PTPRD: variants seen among roughly 807,000 people sequenced by gnomAD.
PTPRD encodes the protein protein tyrosine phosphatase receptor type D.
In PTPRD, 34 loss-of-function variants were observed where a neutral mutation model predicts 214.5. The ratio of observed to expected loss-of-function variants is 0.16; its 90% CI spans 0.12 to 0.21. The LOEUF is 0.21. PTPRD is among the 10% of genes least tolerant of loss of function. The probability of loss-of-function intolerance (pLI) is 1.00; values close to 1 mark genes in which losing one functional copy is unlikely to be tolerated. For synonymous variants in PTPRD, 1,128 were observed against 845.7 expected (o/e 1.33, Z -5.79); for missense variants, 2,545 against 2,398.7 (o/e 1.06, Z -1.27).
At chr9:10,085,499 G>T (rs2098321149) in intron 3 of PTPRD, among the ~76,000 whole-genome samples, 1 of 151,784 alleles carries the variant, frequency 6.6e-6, no homozygotes, top group African/African-American at 2.4e-5. Context: ...TCATCTTTTT[G>T]TGTTGAGAAA....
chr9:8,730,275 A>C (rs1327666757), intron 12 of PTPRD, among the ~76,000 whole-genome samples: 1 of 152,156 alleles, frequency 6.6e-6, no homozygotes, highest in Non-Finnish European at 1.5e-5. Flanking sequence ...AAAAAAAAGA[A>C]AGAAATATTG....
chr9:9,533,752 T>A (rs919905995), intron 8 of PTPRD, among the ~76,000 whole-genome samples: 9 of 152,058 alleles, frequency 5.9e-5, no homozygotes, highest in African/African-American at 2.2e-4. Flanking sequence ...ATGAAGACCA[T>A]TGAGCAAAGG....
chr9:8,778,508 G>A (rs2095570432), intron 11 of PTPRD, among the ~76,000 whole-genome samples: 1 of 152,174 alleles, frequency 6.6e-6, no homozygotes, highest in Non-Finnish European at 1.5e-5. Flanking sequence ...CACTGAAACT[G>A]ACTTCATGCT....
At chr9:10,039,677 GA>G (rs149431178) in intron 3 of PTPRD, among the ~76,000 whole-genome samples, 2,603 of 147,958 alleles carry the variant, frequency 0.018, 68 homozygotes, top group African/African-American at 0.06. Flanking sequence ...TTTTCTGGGG[GA>G]AAAAAAAACA....
intron 4 of PTPRD, among the ~76,000 whole-genome samples, chr9:9,967,930 A>C (rs1160456461): frequency 6.6e-6 from 1 of 152,132 alleles, no homozygotes; most frequent in Non-Finnish European, 1.5e-5. Context: ...TGATACATAA[A>C]CATATTAAGA....
chr9:10,132,962 T>TCAAAGGC (rs753864227), intron 3 of PTPRD, among the ~76,000 whole-genome samples: 7 of 151,632 alleles, frequency 4.6e-5, no homozygotes, highest in Admixed American at 2.0e-4. Flanking sequence ...AGATTGTTAT[T>TCAAAGGC]TTGTAGCTTC....
At chr9:9,651,558 G>A (rs142831796) in intron 7 of PTPRD, among the ~76,000 whole-genome samples, 2 of 152,148 alleles carry the variant, frequency 1.3e-5, no homozygotes, top group African/African-American at 4.8e-5. Flanking sequence ...TCCATGTCCT[G>A]CAAAGGACAT....
chr9:9,283,287 T>C (rs1224041503), intron 9 of PTPRD, among the ~76,000 whole-genome samples: 1 of 151,500 alleles, frequency 6.6e-6, no homozygotes, highest in Non-Finnish European at 1.5e-5. Flanking sequence ...ATTCATCTTC[T>C]ATAGAGAGCA....
At chr9:10,297,069 A>G (rs1437845481) in intron 3 of PTPRD, among the ~76,000 whole-genome samples, 1 of 149,478 alleles carries the variant, frequency 6.7e-6, no homozygotes, top group Non-Finnish European at 1.5e-5. Flanking sequence ...CAGGGAACAT[A>G]GAGCACAAAT....
In PTPRD at chr9:8,778,253, A is replaced by C. The variant is rs561780955; in HGVS notation, c.-103-44307T>G. ...TTATAACATTTCACTACAATGAGCCAAAATTAGTAATAAAGATTATTCCCT... is the reference window on the plus strand; with the variant it reads ...TTATAACATTTCACTACAATGAGCCCAAATTAGTAATAAAGATTATTCCCT... On this transcript the variant is annotated intron_variant, in intron 11 of 45. Coordinates refer to ENST00000381196, the MANE Select transcript of PTPRD (RefSeq NM_002839.4). 9.2e-5 allele frequency among the ~76,000 whole-genome samples: 14 copies of C among 152,368 alleles called. No individual in the cohort carries two copies. The South Asian group carries it at 2.9e-3, about 32-fold the overall frequency.
At chr9:9,880,664 G>A (rs778215314) in intron 5 of PTPRD, among the ~76,000 whole-genome samples, 15 of 152,090 alleles carry the variant, frequency 9.9e-5, no homozygotes, top group Non-Finnish European at 1.6e-4. Context: ...GATAAGCAGT[G>A]TTTTATACAC....
At chr9:8,764,283 G>A (rs1565884748) in intron 11 of PTPRD, among the ~76,000 whole-genome samples, 4 of 152,128 alleles carry the variant, frequency 2.6e-5, no homozygotes, top group Non-Finnish European at 4.4e-5. Context: ...GGTATGAAAA[G>A]GCTATTGCAA....
chr9:10,579,494 A>G (rs111400216), intron 2 of PTPRD, among the ~76,000 whole-genome samples: 11,525 of 152,056 alleles, frequency 0.076, 856 homozygotes, highest in African/African-American at 0.2. Context: ...TATGTACCAC[A>G]TTTTCTTTAT....
chr9:8,467,704 T>C (rs2096571128), intron 31 of PTPRD, among the ~76,000 whole-genome samples: 1 of 151,984 alleles, frequency 6.6e-6, no homozygotes. Context: ...TATTTATACA[T>C]ATAATTTTTA....
intron 7 of PTPRD, among the ~76,000 whole-genome samples, chr9:9,601,934 T>C (rs2093802510): frequency 6.6e-6 from 1 of 152,120 alleles, no homozygotes; most frequent in South Asian, 2.1e-4. Context: ...TGGGTCACCA[T>C]ATATCTGTGA....
chr9:9,509,823 A>C (rs1569568902), intron 8 of PTPRD, among the ~76,000 whole-genome samples: 1 of 151,748 alleles, frequency 6.6e-6, no homozygotes, highest in East Asian at 1.9e-4. Flanking sequence ...ACATTAAAAA[A>C]TATTTTGCTG....
At chr9:8,723,031 C>T (rs867908617) in intron 12 of PTPRD, among the ~76,000 whole-genome samples, 1 of 152,072 alleles carries the variant, frequency 6.6e-6, no homozygotes, top group South Asian at 2.1e-4. Flanking sequence ...AACAGTAGTA[C>T]CTAATTCAAG....
intron 5 of PTPRD, among the ~76,000 whole-genome samples, chr9:9,920,176 T>C (rs2082158280): frequency 6.6e-6 from 1 of 152,256 alleles, no homozygotes; most frequent in South Asian, 2.1e-4. Context: ...ACTTGCTCTT[T>C]GATGAGACAC....
At chr9:9,106,519 C>G (rs1318667171) in intron 10 of PTPRD, among the ~76,000 whole-genome samples, 1 of 141,212 alleles carries the variant, frequency 7.1e-6, no homozygotes, top group African/African-American at 2.6e-5. Context: ...CTTTAGAGGT[C>G]ACATAGAAAT....
Sources: allele counts gnomAD v4.1 joint callset (sites outside exome capture counted in the v4.1 genomes callset), GRCh38; gene constraint gnomAD v4.1.1; transcripts MANE v1.5; gene names NCBI Gene and HGNC (gene_info 2026-07-23, HGNC 2026-07-21).